The following SUMF1 variants were observed in gnomAD, a reference collection of about 807,000 sequenced individuals.
The protein encoded by SUMF1 is formylglycine-generating enzyme.
Under a neutral mutation model 47.6 loss-of-function variants are expected in SUMF1, and 48 were observed. The observed-to-expected ratio is 1.01, with a 90% CI of 0.80 to 1.28. The LOEUF (loss-of-function observed/expected upper bound fraction) is 1.28. Ranked by LOEUF, SUMF1 falls within the 50% of genes most tolerant of loss-of-function variation. The pLI is 0.00. For missense variants in SUMF1, 571 were observed against 485.4 expected, an observed-to-expected ratio of 1.18 and a Z score of -1.66; for synonymous variants, 230 against 192.1, an observed-to-expected ratio of 1.20 and a Z score of -1.63.
rs1029439323 is a variant in SUMF1, at chr3:4,116,903, G to A, written c.1015-48158C>T. ...TAAATAAGGTCAGGGATGTGGGATT[G>A]CAAAAAACAAAGGAAATCTATTTGA... On this transcript the variant is annotated intron_variant and NMD_transcript_variant, in intron 8 of 12. Coordinates refer to the SUMF1 transcript ENST00000448413. Among the ~76,000 whole-genome samples, 14 of 152,022 alleles carry A rather than the reference G, an allele frequency of 9.2e-5. No homozygotes were observed. The East Asian group carries it at 1.2e-3, about 13-fold the overall frequency.
chr3:4,201,452 A>G (rs900792295), intron 8 of SUMF1, among the ~76,000 whole-genome samples: 1 of 151,946 alleles, frequency 6.6e-6, no homozygotes, highest in African/African-American at 2.4e-5. Flanking sequence ...ACTTCCACCC[A>G]TCTTGTTGTA....
chr3:4,395,771 T>C (rs1269049479), intron 7 of SUMF1, among the ~76,000 whole-genome samples: 1 of 152,216 alleles, frequency 6.6e-6, no homozygotes, highest in Non-Finnish European at 1.5e-5. Flanking sequence ...TTTCCAATAA[T>C]ATAAGTCACT....
rs551897585 is a variant in SUMF1, at chr3:4,225,046, T to G, written c.1014+151284A>C. On this transcript the variant is annotated intron_variant and NMD_transcript_variant, in intron 8 of 12. Transcript: ENST00000448413. ...CACTCACAATGTCAAACTTTAGCTG[T>G]GCACAAGAAGTGGCCATGTACCAAA... Among the ~76,000 whole-genome samples, 22 of 152,250 alleles carry G rather than the reference T, an allele frequency of 1.4e-4. No homozygotes were observed. In the South Asian group the frequency reaches 4.1e-3, roughly 29 times the overall value.
chr3:4,059,082 A>G (rs1212525913), intron 9 of SUMF1, among the ~76,000 whole-genome samples: 1 of 152,180 alleles, frequency 6.6e-6, no homozygotes, highest in African/African-American at 2.4e-5. Flanking sequence ...ATCACTCTAA[A>G]TATATAGTGA....
chr3:4,217,166 A>G (rs1038368218), intron 8 of SUMF1, among the ~76,000 whole-genome samples: 7 of 152,088 alleles, frequency 4.6e-5, no homozygotes, highest in Non-Finnish European at 1.0e-4. Flanking sequence ...CATACACACC[A>G]TGGAATACTA....
At chr3:4,157,862 G>A (rs1206227422) in intron 8 of SUMF1, among the ~76,000 whole-genome samples, 1 of 150,508 alleles carries the variant, frequency 6.6e-6, no homozygotes, top group Non-Finnish European at 1.5e-5. Context: ...TTTAGCCTCT[G>A]GATGCTAATC....
intron 8 of SUMF1, among the ~76,000 whole-genome samples, chr3:4,270,172 A>G (rs78293613): frequency 6.6e-6 from 1 of 152,156 alleles, no homozygotes; most frequent in Non-Finnish European, 1.5e-5. Flanking sequence ...TAAATTGATG[A>G]TACACTGATG....
chr3:4,432,719 C>A (rs1702272719), intron 3 of SUMF1, among the ~76,000 whole-genome samples: 2 of 152,172 alleles, frequency 1.3e-5, no homozygotes, highest in Non-Finnish European at 2.9e-5. Context: ...CGCAGTCCGT[C>A]ATCACAGTCA....
At chr3:4,039,505 G>A (rs59100994) in intron 9 of SUMF1, among the ~76,000 whole-genome samples, 3 of 136,948 alleles carry the variant, frequency 2.2e-5, no homozygotes, top group Admixed American at 7.6e-5. Flanking sequence ...AGTTTACTGA[G>A]AATGATGGTT....
chr3:4,224,187 C>T (rs2125177757), intron 8 of SUMF1, among the ~76,000 whole-genome samples: 1 of 151,992 alleles, frequency 6.6e-6, no homozygotes, highest in East Asian at 1.9e-4. Context: ...CTCATGACAG[C>T]AGATTGGTGC....
At chr3:4,396,456 A>G (rs950540655) in intron 7 of SUMF1, among the ~76,000 whole-genome samples, 3 of 152,196 alleles carry the variant, frequency 2.0e-5, no homozygotes, top group African/African-American at 4.8e-5. Flanking sequence ...AGGCATCACC[A>G]CGGGACCTAC....
chr3:4,136,058 A>G (rs984622397), intron 8 of SUMF1, among the ~76,000 whole-genome samples: 2 of 152,148 alleles, frequency 1.3e-5, no homozygotes, highest in Non-Finnish European at 2.9e-5. Context: ...GCCCAAGGTA[A>G]TTTATAGATT....
At chr3:4,446,873 A>G (rs1204882397) in intron 3 of SUMF1, among the ~76,000 whole-genome samples, 1 of 152,180 alleles carries the variant, frequency 6.6e-6, no homozygotes, top group African/African-American at 2.4e-5. Flanking sequence ...TGAAAGGGAA[A>G]CCTGTAGAAG....
intron 8 of SUMF1, among the ~76,000 whole-genome samples, chr3:4,226,247 T>C (rs1478069428): frequency 6.7e-6 from 1 of 148,796 alleles, no homozygotes; most frequent in African/African-American, 2.5e-5. Flanking sequence ...ATCATGATTA[T>C]TGTTTTTTTT....
At chr3:4,389,498 C>A (rs1700785141) in intron 7 of SUMF1, among the ~76,000 whole-genome samples, 1 of 152,178 alleles carries the variant, frequency 6.6e-6, no homozygotes, top group Non-Finnish European at 1.5e-5. Flanking sequence ...GGGTTTAAGT[C>A]TCTTACCAAA....
rs370998526 is a variant in SUMF1, at chr3:4,088,669, C to G, written c.1015-19924G>C. Among the ~76,000 whole-genome samples, 15 of 152,146 alleles carry G rather than the reference C, an allele frequency of 9.9e-5. 3 individuals are homozygous for G. Among genetic ancestry groups the G allele is most frequent in the Admixed American group, 6.6e-5 (1 of 15,266 alleles). On this transcript the variant is annotated intron_variant and NMD_transcript_variant, in intron 8 of 12. Transcript: ENST00000448413. ...GACAAATATTGTTTGTTATGCTTCC[C>G]TCACTGTTGAGTCCCCAGCGCCTAG...
chr3:4,108,212 C>T (rs1403336787), intron 8 of SUMF1, among the ~76,000 whole-genome samples: 1 of 152,072 alleles, frequency 6.6e-6, no homozygotes, highest in Non-Finnish European at 1.5e-5. Context: ...GCAGGTTGTT[C>T]AGTTTCCATG....
At chr3:4,180,701 A>ACACACACACACACACACAC (rs1559543396) in intron 8 of SUMF1, among the ~76,000 whole-genome samples, 3 of 5,128 alleles carry the variant, frequency 5.9e-4, no homozygotes, top group Non-Finnish European at 1.3e-3. Context: ...CACACACACA[A>ACACACACACACACACACAC]AATTAGCCAG....
intron 1 of SUMF1, among the ~76,000 whole-genome samples, chr3:4,463,128 C>T (rs1020480923): frequency 6.6e-6 from 1 of 152,140 alleles, no homozygotes; most frequent in Admixed American, 6.5e-5. Flanking sequence ...GTATAAGGCA[C>T]GTGGGGGATA....
Sources: gnomAD v4.1 joint callset for allele counts (sites outside exome capture counted in the v4.1 genomes callset) on GRCh38, gnomAD v4.1.1 for gene constraint, MANE v1.5 for transcripts, NCBI Gene and HGNC (gene_info 2026-07-23, HGNC 2026-07-21) for gene names.